Variants in NCALD observed in about 807,000 individuals in gnomAD.
The protein encoded by NCALD is neurocalcin-delta.
NCALD carries 10 observed loss-of-function variants against 18.6 expected under a neutral mutation model. The observed-to-expected ratio is 0.54, with a 90% CI of 0.33 to 0.91. NCALD has a LOEUF of 0.91. Ranked by LOEUF, NCALD falls within the 40% of genes least tolerant of loss-of-function variation. The pLI is 0.03. For synonymous variants in NCALD, 88 were observed against 87.4 expected (o/e 1.01, Z -0.04); for missense variants, 184 against 247.6 (o/e 0.74, Z 1.72).
intron 2 of NCALD, among the ~76,000 whole-genome samples, chr8:101,959,216 G>T (rs1015557456): frequency 6.6e-6 from 1 of 152,062 alleles, no homozygotes; most frequent in African/African-American, 2.4e-5. Context: ...AAGATTACAG[G>T]CTAGTTATTT....
chr8:101,911,477 G>T (rs1164000213), intron 3 of NCALD, among the ~76,000 whole-genome samples: 1 of 151,026 alleles, frequency 6.6e-6, no homozygotes, highest in Non-Finnish European at 1.5e-5. Flanking sequence ...CCCACTTCAG[G>T]CTCCCTAGTA....
chr8:101,990,591 G>A (rs1275616507), intron 2 of NCALD, among the ~76,000 whole-genome samples: 1 of 152,054 alleles, frequency 6.6e-6, no homozygotes, highest in Non-Finnish European at 1.5e-5. Flanking sequence ...GACATCTGAT[G>A]GTTTTATAAA....
intron 1 of NCALD, among the ~76,000 whole-genome samples, chr8:101,783,071 G>A (rs551785379): frequency 6.6e-6 from 1 of 152,190 alleles, no homozygotes; most frequent in South Asian, 2.1e-4. Flanking sequence ...TGTGTCTATG[G>A]TAAGCAAATG....
chr8:102,057,764 C>T (rs1306742034), intron 1 of NCALD, among the ~76,000 whole-genome samples: 1 of 152,202 alleles, frequency 6.6e-6, no homozygotes, highest in Non-Finnish European at 1.5e-5. Flanking sequence ...CTTTCCTTTC[C>T]TCTTATCCTT....
chr8:102,039,751 G>A (rs1252714052), intron 1 of NCALD, among the ~76,000 whole-genome samples: 1 of 152,108 alleles, frequency 6.6e-6, no homozygotes, highest in African/African-American at 2.4e-5. Flanking sequence ...TTGGGAGGTG[G>A]GGCCTAGTGG....
rs183178958 is a variant in NCALD at position 101,782,576 on chromosome 8, T to A, written c.-20+8286A>T. Among the ~76,000 whole-genome samples the A allele has an allele frequency of 6.6e-5, 10 of 152,226 alleles. No homozygotes were observed. In the East Asian group the frequency reaches 1.9e-3, roughly 29 times the overall value. On this transcript the variant is annotated intron_variant, in intron 1 of 3. Coordinates refer to ENST00000220931, the MANE Select transcript of NCALD (RefSeq NM_032041.3). ...TCCTCCATGGACCCACCATATAGAT[T>A]ATATATTTTTTCCTTTTCCCAACCA...
chr8:101,803,202 A>G (rs1423317123), intron 4 of NCALD, among the ~76,000 whole-genome samples: 1 of 152,204 alleles, frequency 6.6e-6, no homozygotes, highest in Non-Finnish European at 1.5e-5. Context: ...AAAAAATTGT[A>G]GGGCTCTTAA....
intron 1 of NCALD, among the ~76,000 whole-genome samples, chr8:102,094,315 A>T (rs879008741): frequency 6.6e-6 from 1 of 152,344 alleles, no homozygotes; most frequent in South Asian, 2.1e-4. Context: ...TGTACCAGGC[A>T]CTGTACCAGA....
Position 101,719,493 on chromosome 8 carries a change from T to A in NCALD, c.137A>T (p.Glu46Val), listed in dbSNP as rs1201824129. Reference sequence around the variant, plus strand: ...GTTCCCATATATTTTCTTAAACTCTTCCATTGACAAATGTCCACTGGGGCA... The same window carrying A: ...GTTCCCATATATTTTCTTAAACTCTACCATTGACAAATGTCCACTGGGGCA... ...RDCPSGHLSM[E>V]EFKKIYGNFF... is the part of the protein sequence containing the mutation. Residue 46 changes from glutamate (E) to valine (V), a missense_variant, in exon 2 of 4, where the codon GAA becomes GTA. By Grantham distance (121) the Glu-to-Val change is moderately radical. Coordinates refer to ENST00000220931, the MANE Select transcript of NCALD (RefSeq NM_032041.3). 1 of 1,614,090 alleles carries A rather than the reference T, an allele frequency of 6.2e-7. No homozygotes were observed. The highest frequency in any genetic ancestry group is 8.5e-7 in the Non-Finnish European group (1 of 1,180,038).
chr8:101,852,070 G>A (rs556015358), intron 4 of NCALD, among the ~76,000 whole-genome samples: 1 of 152,210 alleles, frequency 6.6e-6, no homozygotes, highest in East Asian at 1.9e-4. Flanking sequence ...TGAATCTTCT[G>A]GCATCTTGAA....
intron 4 of NCALD, among the ~76,000 whole-genome samples, chr8:101,842,181 C>G (rs988584682): frequency 5.3e-5 from 8 of 152,060 alleles, no homozygotes; most frequent in African/African-American, 1.9e-4. Flanking sequence ...TTTAAGGATA[C>G]GAGTCATACT....
intron 1 of NCALD, among the ~76,000 whole-genome samples, chr8:102,117,290 C>T (rs149138166): frequency 5.6e-4 from 85 of 152,346 alleles, no homozygotes; most frequent in African/African-American, 2.0e-3. Context: ...ATGAAGCCTT[C>T]CAAAGCAGCC....
chr8:101,889,147 G>C (rs1816782358), intron 3 of NCALD, among the ~76,000 whole-genome samples: 1 of 152,178 alleles, frequency 6.6e-6, no homozygotes, highest in African/African-American at 2.4e-5. Flanking sequence ...CAACTCTGAT[G>C]CAAAGCTGGA....
intron 2 of NCALD, among the ~76,000 whole-genome samples, chr8:101,951,380 A>G (rs562310233): frequency 6.6e-6 from 1 of 152,320 alleles, no homozygotes; most frequent in Admixed American, 6.5e-5. Context: ...GAGCACCTTC[A>G]GCAATCTTAG....
chr8:101,695,826 G>A (rs1814964357), intron 2 of NCALD, among the ~76,000 whole-genome samples: 1 of 152,106 alleles, frequency 6.6e-6, no homozygotes, highest in African/African-American at 2.4e-5. Flanking sequence ...ATAGGGTCTT[G>A]AATACAGTCA....
intron 1 of NCALD, among the ~76,000 whole-genome samples, chr8:102,068,643 T>C (rs1824085275): frequency 6.6e-6 from 1 of 152,254 alleles, no homozygotes; most frequent in Admixed American, 6.5e-5. Context: ...ATTCTAGCTC[T>C]TACTTCTGAA....
intron 4 of NCALD, among the ~76,000 whole-genome samples, chr8:101,834,861 G>A (rs1814343672): frequency 6.6e-6 from 1 of 152,186 alleles, no homozygotes; most frequent in South Asian, 2.1e-4. Flanking sequence ...ACTTCCATCT[G>A]TTCCTGCTTA....
At position 102,006,310 on chromosome 8, in the gene NCALD, C is replaced by CT. The variant is rs531414926; in HGVS notation, c.-157+13926dup. Among the ~76,000 whole-genome samples, 781 of 146,586 alleles carry CT rather than the reference C, an allele frequency of 5.3e-3. 4 individuals are homozygous for CT. The highest frequency in any genetic ancestry group is 7.2e-3 in the African/African-American group (289 of 40,216). Reference sequence around the variant, plus strand: ...TAAACGTAATGTTTTCATTGGTTCTCTTTTTTTTTTTAAAGTAAGCAATGG... The same window carrying CT: ...TAAACGTAATGTTTTCATTGGTTCTCTTTTTTTTTTTTAAAGTAAGCAATGG... On this transcript the variant is annotated intron_variant, in intron 2 of 6. Coordinates refer to the NCALD transcript ENST00000311028.
intron 1 of NCALD, among the ~76,000 whole-genome samples, chr8:102,084,620 T>C (rs554189389): frequency 1.3e-4 from 20 of 152,288 alleles, no homozygotes; most frequent in Admixed American, 9.8e-4. Context: ...CCACACGCAA[T>C]GTGAAATTAT....
Sources: gnomAD v4.1 joint callset for allele counts (sites outside exome capture counted in the v4.1 genomes callset) on GRCh38, gnomAD v4.1.1 for gene constraint, MANE v1.5 for transcripts, NCBI Gene and HGNC (gene_info 2026-07-23, HGNC 2026-07-21) for gene names.